Variants in GGNBP2 observed in about 807,000 individuals in gnomAD.
The protein encoded by GGNBP2 is gametogenetin-binding protein 2.
Under a neutral mutation model 85.9 loss-of-function variants are expected in GGNBP2, and 10 were observed. That is an observed-to-expected ratio of 0.12 (90% confidence interval 0.07 to 0.20). GGNBP2 has a LOEUF of 0.20. Ranked by LOEUF, GGNBP2 falls within the 10% of genes least tolerant of loss-of-function variation. The pLI, the probability that GGNBP2 is intolerant of heterozygous loss-of-function variation, is 1.00. For synonymous variants in GGNBP2, 287 were observed against 285.7 expected (o/e 1.00, Z -0.05); for missense variants, 595 against 857.8 (o/e 0.69, Z 3.83).
At chr17:36,588,212 T>C (rs1171139796) in intron 13 of GGNBP2, among the ~76,000 whole-genome samples, 1 of 152,194 alleles carries the variant, frequency 6.6e-6, no homozygotes, top group Non-Finnish European at 1.5e-5. Context: ...TGGTGTCCTT[T>C]TCATTAGAGT....
chr17:36,566,424 C>T (rs1343086041), intron 5 of GGNBP2, among the ~76,000 whole-genome samples: 2 of 152,050 alleles, frequency 1.3e-5, no homozygotes, highest in Non-Finnish European at 2.9e-5. Context: ...CTTTGGGAGG[C>T]TGAGGTGGGT....
intron 2 of GGNBP2, 30 bp downstream of exon 2, chr17:36,545,847 C>T: frequency 6.8e-7 from 1 of 1,474,976 alleles, no homozygotes; most frequent in Non-Finnish European, 9.3e-7. Context: ...CTGGGCCCGC[C>T]GCTCCCCTGG....
At chr17:36,560,630 A>C in intron 4 of GGNBP2, 143 bp from the exon 5 acceptor site, 2 of 502,056 alleles carry the variant, frequency 4.0e-6, no homozygotes. Flanking sequence ...AGTGCCAGGC[A>C]CACTGCTAGA....
At chr17:36,579,479 C>T (rs916151252) in intron 8 of GGNBP2, 60 bp downstream of exon 8, 8 of 1,455,832 alleles carry the variant, frequency 5.5e-6, no homozygotes, top group East Asian at 2.3e-5. Flanking sequence ...TGGACTGAAT[C>T]TTAATGTAAG....
At chr17:36,585,199 C>T in intron 9 of GGNBP2, 101 bp from the exon 10 acceptor site, 2 of 993,964 alleles carry the variant, frequency 2.0e-6, no homozygotes, top group Non-Finnish European at 3.1e-6. Flanking sequence ...GTGAAAATGC[C>T]ACATCTTACT....
chr17:36,568,642 G>T (rs1405711805), intron 6 of GGNBP2, among the ~76,000 whole-genome samples: 1 of 152,136 alleles, frequency 6.6e-6, no homozygotes, highest in African/African-American at 2.4e-5. Context: ...CTTAATATTT[G>T]AAGTATTTCT....
At chr17:36,561,021 A>C in intron 5 of GGNBP2, 150 bp downstream of exon 5, 1 of 473,714 alleles carries the variant, frequency 2.1e-6, no homozygotes, top group Non-Finnish European at 3.7e-6. Flanking sequence ...TCCTCTTGTT[A>C]TGTTGGCCAT....
At chr17:36,555,743 A>G (rs1050548323) in intron 3 of GGNBP2, among the ~76,000 whole-genome samples, 1 of 152,216 alleles carries the variant, frequency 6.6e-6, no homozygotes, top group Non-Finnish European at 1.5e-5. Context: ...ACATCCTCCC[A>G]TATACTTTAA....
At position 36,560,851 on chromosome 17, in the gene GGNBP2, G is replaced by A. The variant is rs751525603; in HGVS notation, c.507G>A (p.Thr169=). 10 of 1,592,246 alleles carry A rather than the reference G, an allele frequency of 6.3e-6. No homozygotes were observed. Among genetic ancestry groups the A allele is most frequent in the East Asian group, 2.3e-5 (1 of 44,332 alleles). The change falls in exon 5 of 14, where the codon ACG becomes ACA. Residue 169 remains threonine (T), a synonymous_variant. Transcript: ENST00000613102. ...GATGTCAGTTGCACTCCTTAGATAC[G>A]CACAAGCCAAAACCTTTGGGGTAAG... ...NKRCQLHSLD[T]HKPKPLGGCW...
chr17:36,579,189 T>C (rs2142769273), intron 7 of GGNBP2, 56 bp from the exon 8 acceptor site: 2 of 1,462,502 alleles, frequency 1.4e-6, no homozygotes, highest in East Asian at 2.3e-5. Context: ...AGCTGTGTTA[T>C]CCATCTTTTA....
intron 4 of GGNBP2, among the ~76,000 whole-genome samples, chr17:36,558,414 CAAAAAAAAAAAAAAAA>C (rs755597241): frequency 1.1e-4 from 2 of 18,966 alleles, no homozygotes; most frequent in Non-Finnish European, 2.0e-4. Flanking sequence ...AGCTCCATCT[CAAAAAAAAAAAAAAAA>C]AAAAAAAAGG....
At position 36,586,366 on chromosome 17, in the gene GGNBP2, C is replaced by T. The variant is rs1035896524; in HGVS notation, c.1641+168C>T. 5 of 721,970 alleles carry T rather than the reference C, an allele frequency of 6.9e-6. No homozygotes were observed. The African/African-American group carries it at 8.9e-5, about 13-fold the overall frequency. The allele number at this position is 721,970 out of a possible 1,614,324, so 44.7% of individuals were successfully genotyped here. A position where few individuals can be genotyped will look rare whatever the true frequency, so the allele number is the denominator to read the frequency against. ...ATCGTGTGAGAGTGTGGGTTGGGGG[C>T]AGAGAGAGATGTGATCATTTGTGCA... On this transcript the variant is annotated intron_variant, in intron 12 of 13. Transcript: ENST00000613102.
intron 5 of GGNBP2, among the ~76,000 whole-genome samples, chr17:36,566,016 A>G (rs1221233336): frequency 1.3e-5 from 2 of 152,248 alleles, no homozygotes; most frequent in Non-Finnish European, 2.9e-5. Context: ...GAGAGGGAGT[A>G]CAGAGCTGAA....
At chr17:36,558,455 G>A (rs2074385171) in intron 4 of GGNBP2, among the ~76,000 whole-genome samples, 1 of 143,356 alleles carries the variant, frequency 7.0e-6, no homozygotes, top group South Asian at 2.2e-4. Flanking sequence ...AAAAGGTCCA[G>A]TCATATTTTT....
intron 5 of GGNBP2, among the ~76,000 whole-genome samples, chr17:36,566,998 C>T (rs1258678330): frequency 6.6e-6 from 1 of 151,246 alleles, no homozygotes; most frequent in Non-Finnish European, 1.5e-5. Flanking sequence ...GAGACCTTGT[C>T]TCTACAAAAT....
At chr17:36,569,606 C>T (rs2074502998) in intron 6 of GGNBP2, among the ~76,000 whole-genome samples, 1 of 152,170 alleles carries the variant, frequency 6.6e-6, no homozygotes, top group Non-Finnish European at 1.5e-5. Flanking sequence ...TGGCAGTAAG[C>T]TAATGACTTC....
chr17:36,584,244 GA>G (rs2074678555), intron 9 of GGNBP2, among the ~76,000 whole-genome samples: 2 of 152,112 alleles, frequency 1.3e-5, no homozygotes, highest in African/African-American at 2.4e-5. Context: ...GATGTTCCAG[GA>G]AAAAAGTTCA....
At chr17:36,563,683 C>T (rs2074441697) in intron 5 of GGNBP2, among the ~76,000 whole-genome samples, 2 of 146,364 alleles carry the variant, frequency 1.4e-5, no homozygotes, top group African/African-American at 2.5e-5. Flanking sequence ...AAGAAGTTTT[C>T]TTAAGGATAG....
intron 2 of GGNBP2, among the ~76,000 whole-genome samples, chr17:36,549,796 A>G (rs755847623): frequency 6.6e-6 from 1 of 152,220 alleles, no homozygotes; most frequent in Non-Finnish European, 1.5e-5. Flanking sequence ...TTTGCTATGA[A>G]TAAACTGTAA....
Sources: gnomAD v4.1 joint callset for allele counts (sites outside exome capture counted in the v4.1 genomes callset) on GRCh38, gnomAD v4.1.1 for gene constraint, MANE v1.5 for transcripts, NCBI Gene and HGNC (gene_info 2026-07-23, HGNC 2026-07-21) for gene names.